EDIL3: variants seen among roughly 807,000 people sequenced by gnomAD.
EDIL3 encodes the protein EGF like and discoidin domains 3.
Under a neutral mutation model 67.4 loss-of-function variants are expected in EDIL3, and 37 were observed. That is an observed-to-expected ratio of 0.55 (90% confidence interval 0.42 to 0.72). The LOEUF (loss-of-function observed/expected upper bound fraction) is 0.72, where lower values mean the gene tolerates loss of function less well. EDIL3 is among the 30% of genes least tolerant of loss of function. The probability of loss-of-function intolerance (pLI) is 0.00; values close to 1 mark genes in which losing one functional copy is unlikely to be tolerated. For synonymous variants in EDIL3, 195 were observed against 196.3 expected, an observed-to-expected ratio of 0.99 and a Z score of 0.05; for missense variants, 527 against 586.3, an observed-to-expected ratio of 0.90 and a Z score of 1.04.
chr5:84,048,077 T>TA, intron 9 of EDIL3: 1 of 264,616 alleles, frequency 3.8e-6, no homozygotes, highest in Non-Finnish European at 7.5e-6. Context: ...GTCAATACTA[T>TA]AGAAGAACGG....
intron 9 of EDIL3, among the ~76,000 whole-genome samples, chr5:84,018,375 T>G (rs1745646837): frequency 6.6e-6 from 1 of 152,158 alleles, no homozygotes; most frequent in Non-Finnish European, 1.5e-5. Flanking sequence ...AATTTAACTC[T>G]TGCTTCCCTG....
At chr5:84,232,739 T>G (rs3776888) in intron 2 of EDIL3, among the ~76,000 whole-genome samples, 26,001 of 152,122 alleles carry the variant, frequency 0.17, 2,333 homozygotes, top group Middle Eastern at 0.29. Context: ...CTATTCACAC[T>G]CATGAAGGCA....
chr5:84,328,659 C>T (rs1746814003), intron 1 of EDIL3, among the ~76,000 whole-genome samples: 1 of 152,008 alleles, frequency 6.6e-6, no homozygotes, highest in African/African-American at 2.4e-5. Context: ...CAAAAAATGG[C>T]AAATTTCTTC....
intron 1 of EDIL3, among the ~76,000 whole-genome samples, chr5:84,363,946 A>G (rs1395658916): frequency 1.3e-5 from 2 of 152,176 alleles, no homozygotes; most frequent in African/African-American, 4.8e-5. Flanking sequence ...CACTGACTAT[A>G]TATCAGGTTT....
chr5:84,202,039 C>T (rs1743852855), intron 3 of EDIL3, among the ~76,000 whole-genome samples: 1 of 152,182 alleles, frequency 6.6e-6, no homozygotes, highest in Non-Finnish European at 1.5e-5. Context: ...GTCATTAAGA[C>T]TTCACAAATA....
intron 1 of EDIL3, among the ~76,000 whole-genome samples, chr5:84,318,837 C>T (rs1746566508): frequency 6.6e-6 from 1 of 152,084 alleles, no homozygotes; most frequent in Non-Finnish European, 1.5e-5. Flanking sequence ...AACTTCTGCA[C>T]AGGAAAAGAA....
chr5:84,280,023 C>T (rs1745664644), intron 1 of EDIL3, among the ~76,000 whole-genome samples: 1 of 152,200 alleles, frequency 6.6e-6, no homozygotes, highest in South Asian at 2.1e-4. Context: ...GTGCTTGACA[C>T]TTTGGCCACA....
At chr5:84,140,779 AT>A (rs2112319641) in intron 4 of EDIL3, among the ~76,000 whole-genome samples, 1 of 152,246 alleles carries the variant, frequency 6.6e-6, no homozygotes, top group South Asian at 2.1e-4. Flanking sequence ...AGTTATCCAT[AT>A]TTTTTAATAC....
At chr5:84,137,182 C>CAG in intron 5 of EDIL3, 59 bp downstream of exon 5, 1 of 844,472 alleles carries the variant, frequency 1.2e-6, no homozygotes, top group South Asian at 1.8e-5. Context: ...TGTGTGTATA[C>CAG]ATACACACAC....
intron 1 of EDIL3, among the ~76,000 whole-genome samples, chr5:84,336,740 T>A (rs546177482): frequency 1.3e-5 from 2 of 152,156 alleles, no homozygotes; most frequent in Non-Finnish European, 2.9e-5. Flanking sequence ...GAATGCTAAA[T>A]ATCACTATAA....
At chr5:84,244,412 G>A (rs1018966090) in intron 2 of EDIL3, among the ~76,000 whole-genome samples, 1 of 151,732 alleles carries the variant, frequency 6.6e-6, no homozygotes, top group African/African-American at 2.4e-5. Flanking sequence ...CTGAGTAGCG[G>A]GGATTACAGG....
At chr5:84,219,643 C>G (rs570433200) in intron 3 of EDIL3, among the ~76,000 whole-genome samples, 2 of 152,068 alleles carry the variant, frequency 1.3e-5, no homozygotes, top group African/African-American at 4.8e-5. Flanking sequence ...ATCAGTATAT[C>G]GAAGAGACAG....
chr5:84,003,657 A>G (rs1745368258), intron 9 of EDIL3, among the ~76,000 whole-genome samples: 1 of 152,168 alleles, frequency 6.6e-6, no homozygotes, highest in South Asian at 2.1e-4. Flanking sequence ...CCTCTATTAC[A>G]AGAAGTACTT....
In EDIL3 at chr5:83,977,913, G is replaced by A. The variant is rs752019393; in HGVS notation, c.1138-14553C>T. ...AACAGATTTCCTATTCACTTTTACA[G>A]CAAAATTAAATGCAGGGTGAAATTC... On this transcript the variant is annotated intron_variant, in intron 9 of 10. Coordinates refer to ENST00000296591, the MANE Select transcript of EDIL3 (RefSeq NM_005711.5). Among the ~76,000 whole-genome samples the A allele has an allele frequency of 3.2e-4, 49 of 151,702 alleles. 2 individuals are homozygous for A. The highest frequency in any genetic ancestry group is 8.9e-5 in the Non-Finnish European group (6 of 67,764).
chr5:83,955,777 AGCT>A (rs1406705340), intron 10 of EDIL3, among the ~76,000 whole-genome samples: 4 of 151,808 alleles, frequency 2.6e-5, no homozygotes, highest in Non-Finnish European at 4.4e-5. Context: ...GTTGTTAGAC[AGCT>A]TTCTGCTTTT....
At chr5:84,163,923 G>A (rs1265373451) in intron 4 of EDIL3, among the ~76,000 whole-genome samples, 2 of 151,962 alleles carry the variant, frequency 1.3e-5, no homozygotes, top group Non-Finnish European at 1.5e-5. Flanking sequence ...TTGCTTTACT[G>A]TATTTAAATA....
At chr5:84,093,658 CTTT>C (rs374214744) in intron 6 of EDIL3, among the ~76,000 whole-genome samples, 1 of 117,816 alleles carries the variant, frequency 8.5e-6, no homozygotes, top group Non-Finnish European at 1.7e-5. Context: ...CAGATGCAGC[CTTT>C]TTTTTTTTTT....
At chr5:84,362,328 T>C (rs1036059118) in intron 1 of EDIL3, among the ~76,000 whole-genome samples, 1 of 152,090 alleles carries the variant, frequency 6.6e-6, no homozygotes, top group Non-Finnish European at 1.5e-5. Context: ...TTACACCATG[T>C]GAATAAGGCT....
chr5:84,157,193 G>T (rs947798180), intron 4 of EDIL3, among the ~76,000 whole-genome samples: 30 of 152,104 alleles, frequency 2.0e-4, no homozygotes, highest in Non-Finnish European at 2.1e-4. Context: ...TTAAAAAGAA[G>T]TGGGATCAGG....
Sources: allele counts gnomAD v4.1 joint callset (sites outside exome capture counted in the v4.1 genomes callset), GRCh38; gene constraint gnomAD v4.1.1; transcripts MANE v1.5; gene names NCBI Gene and HGNC (gene_info 2026-07-23, HGNC 2026-07-21).